MCPH1: variants seen among roughly 807,000 people sequenced by gnomAD.
MCPH1 encodes the protein microcephalin.
A neutral mutation model predicts 84.5 loss-of-function variants in MCPH1; 104 were observed. That is an observed-to-expected ratio of 1.23 (90% confidence interval 1.05 to 1.45). The LOEUF is 1.45. Ranked by LOEUF, MCPH1 falls within the 40% of genes most tolerant of loss-of-function variation. MCPH1 has a pLI of 0.00. For missense variants in MCPH1, 1,498 were observed against 1,005.7 expected (o/e 1.49, Z -6.62); for synonymous variants, 514 against 366.8 (o/e 1.40, Z -4.58).
At position 6,645,655 on chromosome 8, in the gene MCPH1, C is replaced by G. The variant is rs1798184779; in HGVS notation, c.*2606C>G. The G allele has an allele frequency of 7.2e-6, 1 of 139,522 alleles. No homozygotes were observed. Among genetic ancestry groups the G allele is most frequent in the Admixed American group, 7.2e-5 (1 of 13,892 alleles). 8.6% of individuals were successfully genotyped at this position (139,522 alleles called of 1,614,324 possible). A position where few individuals can be genotyped will look rare whatever the true frequency, so the allele number is the denominator to read the frequency against. Reference sequence around the variant, plus strand: ...CTACAAGAACTTATAACAAGTTTAGCAAGATTGCAATATACAATCTTGCAA... The same window carrying G: ...CTACAAGAACTTATAACAAGTTTAGGAAGATTGCAATATACAATCTTGCAA... On this transcript the variant is annotated 3_prime_UTR_variant, in exon 14 of 14. Coordinates refer to ENST00000344683, the MANE Select transcript of MCPH1 (RefSeq NM_024596.5).
chr8:6,605,722 G>A (rs866063090), intron 12 of MCPH1, among the ~76,000 whole-genome samples: 1 of 151,864 alleles, frequency 6.6e-6, no homozygotes, highest in Non-Finnish European at 1.5e-5. Flanking sequence ...TTATGACACA[G>A]AGTCTCACTC....
chr8:6,626,818 G>A, intron 13 of MCPH1: 1 of 985,278 alleles, frequency 1.0e-6, no homozygotes, highest in South Asian at 4.7e-5. Flanking sequence ...TCAGCTCTGT[G>A]CACTCTTCCC....
chr8:6,509,556 C>T (rs901853236), intron 12 of MCPH1, among the ~76,000 whole-genome samples: 2 of 152,120 alleles, frequency 1.3e-5, no homozygotes, highest in Non-Finnish European at 2.9e-5. Context: ...AAAATAAATC[C>T]TTGTGGCTAC....
At chr8:6,473,531 C>T (rs1025576650) in intron 9 of MCPH1, among the ~76,000 whole-genome samples, 1 of 152,016 alleles carries the variant, frequency 6.6e-6, no homozygotes, top group African/African-American at 2.4e-5. Context: ...TGAGGTTTCA[C>T]AGTGTTAGCC....
rs573164205 is a variant in MCPH1 at position 6,596,150 on chromosome 8, C to G, written c.2215-25304C>G. 6.6e-5 allele frequency among the ~76,000 whole-genome samples: 10 copies of G among 152,292 alleles called. No homozygotes were observed. The South Asian group carries it at 2.1e-3, about 32-fold the overall frequency. On this transcript the variant is annotated intron_variant, in intron 12 of 13. Coordinates refer to ENST00000344683, the MANE Select transcript of MCPH1 (RefSeq NM_024596.5). ...GCTGAACACCGTAAGCCACGTGTGA[C>G]ACATCTTCCATGGACATGAAAGATA...
At chr8:6,421,654 G>C (rs1345971304) in intron 3 of MCPH1, among the ~76,000 whole-genome samples, 2 of 152,110 alleles carry the variant, frequency 1.3e-5, no homozygotes, top group Non-Finnish European at 2.9e-5. Flanking sequence ...TTCATCTGAC[G>C]ATGTAGTCAG....
chr8:6,484,878 T>C (rs1000111725), intron 11 of MCPH1, among the ~76,000 whole-genome samples: 4 of 152,234 alleles, frequency 2.6e-5, no homozygotes, highest in South Asian at 2.1e-4. Context: ...AGCATCTGCC[T>C]CTGCAGAACA....
intron 9 of MCPH1, among the ~76,000 whole-genome samples, 177 bp downstream of exon 9, chr8:6,455,429 G>A (rs112064423): frequency 9.8e-4 from 149 of 152,284 alleles, no homozygotes; most frequent in Non-Finnish European, 1.8e-3. Flanking sequence ...TTGCATTCCA[G>A]ACAAAGAGTT....
intron 12 of MCPH1, among the ~76,000 whole-genome samples, chr8:6,524,936 G>A (rs1225770995): frequency 1.3e-5 from 2 of 152,230 alleles, no homozygotes; most frequent in South Asian, 2.1e-4. Flanking sequence ...GGCTTCCTGT[G>A]TCACAAGGGC....
intron 6 of MCPH1, 40 bp from the exon 7 acceptor site, chr8:6,442,027 T>C: frequency 7.1e-7 from 1 of 1,415,362 alleles, no homozygotes; most frequent in East Asian, 2.3e-5. Context: ...TAAGAAATAC[T>C]GAAACTTTAT....
chr8:6,561,980 C>T (rs1045383814), intron 12 of MCPH1, among the ~76,000 whole-genome samples: 2 of 152,160 alleles, frequency 1.3e-5, no homozygotes, highest in Non-Finnish European at 2.9e-5. Flanking sequence ...GCACCGGTTG[C>T]TGGAACTGAC....
intron 10 of MCPH1, among the ~76,000 whole-genome samples, 177 bp from the exon 11 acceptor site, chr8:6,480,537 A>G (rs1001605787): frequency 3.3e-5 from 5 of 152,130 alleles, no homozygotes; most frequent in Non-Finnish European, 7.4e-5. Context: ...TCTGAAGTTT[A>G]TTTCCCCAGG....
chr8:6,470,010 T>A (rs1390045584), intron 9 of MCPH1, among the ~76,000 whole-genome samples: 1 of 152,214 alleles, frequency 6.6e-6, no homozygotes, highest in Non-Finnish European at 1.5e-5. Flanking sequence ...GTGCTTTTCC[T>A]GTTAAGGAAA....
At chr8:6,635,642 G>C (rs1797492010) in intron 13 of MCPH1, among the ~76,000 whole-genome samples, 2 of 152,114 alleles carry the variant, frequency 1.3e-5, no homozygotes. Context: ...AACAAACTTT[G>C]TGTACACTGA....
chr8:6,628,079 C>G (rs989016688), intron 13 of MCPH1, among the ~76,000 whole-genome samples: 157 of 152,218 alleles, frequency 1.0e-3, no homozygotes, highest in African/African-American at 3.7e-3. Context: ...GGATGGTTAT[C>G]TTTGAAACTT....
intron 12 of MCPH1, among the ~76,000 whole-genome samples, chr8:6,552,950 T>G (rs1257303761): frequency 6.6e-6 from 1 of 152,138 alleles, no homozygotes; most frequent in Non-Finnish European, 1.5e-5. Context: ...TGCCAGGGGT[T>G]AAGGGGAAGA....
chr8:6,593,790 T>C (rs530639718), intron 12 of MCPH1, among the ~76,000 whole-genome samples: 1 of 152,350 alleles, frequency 6.6e-6, no homozygotes, highest in East Asian at 1.9e-4. Flanking sequence ...CGCATAGGAC[T>C]TCTCAAGAAA....
intron 13 of MCPH1, among the ~76,000 whole-genome samples, chr8:6,634,301 C>T (rs961504040): frequency 2.0e-5 from 3 of 152,206 alleles, no homozygotes; most frequent in Non-Finnish European, 4.4e-5. Flanking sequence ...TTTAAAGCAT[C>T]TGCAGATCAC....
rs1004443778 is a variant in MCPH1 at position 6,498,802 on chromosome 8, A to G, written c.2137-1050A>G. Among the ~76,000 whole-genome samples, 27 of 152,258 alleles carry G rather than the reference A, an allele frequency of 1.8e-4. 1 individual carries two copies. Among genetic ancestry groups the G allele is most frequent in the African/African-American group, 6.3e-4 (26 of 41,542 alleles). On this transcript the variant is annotated intron_variant, in intron 11 of 13. Transcript: ENST00000344683. ...TTGTTAGTATATCTCCTTAAATAAC[A>G]TGCATTGAGGCTGAGGTCAGCAGAT... is the stretch of plus-strand genomic sequence containing the variant.
Sources: allele counts gnomAD v4.1 joint callset (sites outside exome capture counted in the v4.1 genomes callset), GRCh38; gene constraint gnomAD v4.1.1; transcripts MANE v1.5; gene names NCBI Gene and HGNC (gene_info 2026-07-23, HGNC 2026-07-21).